The following DPH6 variants were observed in gnomAD, a reference collection of about 807,000 sequenced individuals.
DPH6 encodes diphthamine biosynthesis 6.
In DPH6, 33 loss-of-function variants were observed where a neutral mutation model predicts 38.2. The ratio of observed to expected loss-of-function variants is 0.86; its 90% CI spans 0.65 to 1.15. The LOEUF (loss-of-function observed/expected upper bound fraction) is 1.15. DPH6 is among the 50% of genes most tolerant of loss of function. The probability of loss-of-function intolerance (pLI) is 0.00; values close to 1 mark genes in which losing one functional copy is unlikely to be tolerated. For synonymous variants in DPH6, 108 were observed against 103.0 expected, an observed-to-expected ratio of 1.05 and a Z score of -0.30; for missense variants, 325 against 320.0, an observed-to-expected ratio of 1.02 and a Z score of -0.12.
intron 3 of DPH6, among the ~76,000 whole-genome samples, chr15:35,511,811 G>T (rs2054776969): frequency 6.6e-6 from 1 of 151,900 alleles, no homozygotes; most frequent in Non-Finnish European, 1.5e-5. Context: ...AAAGAGAAAG[G>T]TATCATAATT....
chr15:35,209,977 C>T, the DPH6 span, among the ~76,000 whole-genome samples: 1 of 152,172 alleles, frequency 6.6e-6, no homozygotes, highest in Non-Finnish European at 1.5e-5. Flanking sequence ...TGGCAGTGAG[C>T]TGGCTGTTCA....
intron 3 of DPH6, among the ~76,000 whole-genome samples, chr15:35,483,539 C>A (rs1419700613): frequency 6.7e-6 from 1 of 150,226 alleles, no homozygotes; most frequent in African/African-American, 2.4e-5. Flanking sequence ...TGTGTATAAT[C>A]AAAAAGGTAG....
At chr15:35,396,403 C>G (rs911926933) in intron 6 of DPH6, 1 of 152,172 alleles carries the variant, frequency 6.6e-6, no homozygotes, top group Non-Finnish European at 1.5e-5. Flanking sequence ...GCTGCAGGCC[C>G]ATTTGCCCTT....
At chr15:35,224,717 A>G (rs1403384934) in intron 3 of DPH6, among the ~76,000 whole-genome samples, 1 of 152,186 alleles carries the variant, frequency 6.6e-6, no homozygotes, top group Non-Finnish European at 1.5e-5. Context: ...CTTGTTCCAT[A>G]TTCTCACCAG....
At chr15:35,400,052 A>C (rs747194092) in intron 6 of DPH6, among the ~76,000 whole-genome samples, 3 of 152,218 alleles carry the variant, frequency 2.0e-5, no homozygotes, top group Non-Finnish European at 4.4e-5. Flanking sequence ...GATTAGATCA[A>C]GTCAGAAGGC....
intron 5 of DPH6, among the ~76,000 whole-genome samples, chr15:35,434,675 G>A (rs1331606713): frequency 6.6e-6 from 1 of 151,978 alleles, no homozygotes; most frequent in Non-Finnish European, 1.5e-5. Context: ...AGGTTGCAGT[G>A]GTCCTATCAT....
At chr15:35,495,646 CTGA>C (rs1471728049) in intron 3 of DPH6, among the ~76,000 whole-genome samples, 67 of 152,222 alleles carry the variant, frequency 4.4e-4, no homozygotes, top group African/African-American at 1.5e-3. Flanking sequence ...ACTCAATATT[CTGA>C]TGATGTCAAT....
rs72708942 is a variant in DPH6 at position 35,311,180 on chromosome 15, A to G, written n.200+62341T>C. ...TTCAGTCTAAAAGGAGAGATAAGAT[A>G]CATGAATTATACGTAGTACTCAATA... On this transcript the variant is annotated intron_variant and non_coding_transcript_variant, in intron 3 of 3. Transcript: ENST00000560386. 1.8e-3 allele frequency among the ~76,000 whole-genome samples: 267 copies of G among 152,314 alleles called. 1 individual carries two copies. The highest frequency in any genetic ancestry group is 5.0e-3 in the East Asian group (26 of 5,184).
chr15:35,358,843 T>C (rs1280544426), intron 3 of DPH6, among the ~76,000 whole-genome samples: 1 of 152,094 alleles, frequency 6.6e-6, no homozygotes, highest in African/African-American at 2.4e-5. Context: ...TAATGTTCAA[T>C]TTTTGTGTTG....
At chr15:35,394,065 G>A (rs924974854) in intron 6 of DPH6, among the ~76,000 whole-genome samples, 8 of 151,952 alleles carry the variant, frequency 5.3e-5, no homozygotes, top group Admixed American at 2.0e-4. Context: ...TTATTGTTAC[G>A]CTTCTCTGAC....
At chr15:35,274,035 G>A (rs548964111) in intron 3 of DPH6, among the ~76,000 whole-genome samples, 94 of 152,282 alleles carry the variant, frequency 6.2e-4, no homozygotes, top group African/African-American at 1.9e-3. Flanking sequence ...AAACAGCACA[G>A]TACTGGTACC....
intron 3 of DPH6, among the ~76,000 whole-genome samples, chr15:35,264,215 T>G (rs2051769056): frequency 6.6e-6 from 1 of 152,202 alleles, no homozygotes; most frequent in Admixed American, 6.5e-5. Flanking sequence ...GATGCTTTAT[T>G]AAAACAAATA....
At chr15:35,390,961 A>G (rs1361255086) in intron 6 of DPH6, among the ~76,000 whole-genome samples, 1 of 151,904 alleles carries the variant, frequency 6.6e-6, no homozygotes, top group Non-Finnish European at 1.5e-5. Context: ...TTTTCTCCCC[A>G]TCTTTGTGGT....
chr15:35,505,612 CTT>C (rs2054684143), intron 3 of DPH6, among the ~76,000 whole-genome samples: 1 of 151,946 alleles, frequency 6.6e-6, no homozygotes, highest in Admixed American at 6.6e-5. Flanking sequence ...TACCGTCTTG[CTT>C]ATACTCTAAG....
At chr15:35,195,312 T>C in the DPH6 span, among the ~76,000 whole-genome samples, 1 of 152,344 alleles carries the variant, frequency 6.6e-6, no homozygotes, top group South Asian at 2.1e-4. Context: ...TATTCATTCA[T>C]CCACTGATGG....
rs2051745548 is a variant in DPH6 at position 35,261,421 on chromosome 15, A to C, written n.201-40839T>G. Among the ~76,000 whole-genome samples, 3 of 152,214 alleles carry C rather than the reference A, an allele frequency of 2.0e-5. 1 individual carries two copies. In the South Asian group the frequency reaches 6.2e-4, roughly 31 times the overall value. On this transcript the variant is annotated intron_variant and non_coding_transcript_variant, in intron 3 of 3. Coordinates refer to the DPH6 transcript ENST00000560386. ...TTCTGTGTTTTTTAGTTCAGGTTGA[A>C]TTTAACTCTTGACTTCTCAAAATTA...
At chr15:35,274,867 T>C (rs757376451) in intron 3 of DPH6, among the ~76,000 whole-genome samples, 2 of 152,126 alleles carry the variant, frequency 1.3e-5, no homozygotes, top group Admixed American at 1.3e-4. Context: ...AGAAATACCA[T>C]TTGACCCAGC....
At chr15:35,344,363 A>C (rs2140882381) in intron 3 of DPH6, among the ~76,000 whole-genome samples, 1 of 152,098 alleles carries the variant, frequency 6.6e-6, no homozygotes, top group East Asian at 1.9e-4. Flanking sequence ...TTGGGTCAAA[A>C]GTCTTAACCA....
At chr15:35,385,074 T>C (rs1447691279) in intron 6 of DPH6, among the ~76,000 whole-genome samples, 1 of 152,134 alleles carries the variant, frequency 6.6e-6, no homozygotes, top group Non-Finnish European at 1.5e-5. Context: ...TGAGATACCA[T>C]CTCATGCCAG....
Sources: allele counts gnomAD v4.1 joint callset (sites outside exome capture counted in the v4.1 genomes callset), GRCh38; gene constraint gnomAD v4.1.1; transcripts MANE v1.5; gene names NCBI Gene and HGNC (gene_info 2026-07-23, HGNC 2026-07-21).